IGFN1: variants seen among roughly 807,000 people sequenced by gnomAD.
IGFN1 encodes immunoglobulin like and fibronectin type III domain containing 1.
Under a neutral mutation model 289.5 loss-of-function variants are expected in IGFN1, and 253 were observed. The observed-to-expected ratio is 0.87, with a 90% CI of 0.79 to 0.97. The LOEUF (loss-of-function observed/expected upper bound fraction) is 0.97, where lower values mean the gene tolerates loss of function less well. Ranked by LOEUF, IGFN1 falls within the 50% of genes least tolerant of loss-of-function variation. The pLI is 0.00. For synonymous variants in IGFN1, 1,706 were observed against 1,788.5 expected (o/e 0.95, Z 1.16); for missense variants, 4,470 against 4,686.1 (o/e 0.95, Z 1.35).
At chr1:201,197,434 G>C (rs1666968034) in intron 5 of IGFN1, 117 bp downstream of exon 5, 1 of 673,352 alleles carries the variant, frequency 1.5e-6, no homozygotes, top group Admixed American at 2.1e-5. Context: ...CATCCAGGCT[G>C]CTGCCGCTGC....
At chr1:201,214,569 C>T (rs1653070561) in intron 13 of IGFN1, among the ~76,000 whole-genome samples, 3 of 152,120 alleles carry the variant, frequency 2.0e-5, no homozygotes, top group Admixed American at 6.5e-5. Flanking sequence ...CTGCTGAATC[C>T]TACCCATCCT....
chr1:201,226,094 G>A lies in IGFN1; in HGVS notation c.10757G>A (p.Ser3586Asn). The change falls in exon 22 of 24, where the codon AGC (serine) becomes AAC (asparagine). Residue 3586 changes from serine to asparagine, a missense_variant. Coordinates refer to ENST00000335211, the MANE Select transcript of IGFN1 (RefSeq NM_001164586.2). ...ELGASKPSDT[S>N]QPWCIPRQRD... The stretch of plus-strand genomic sequence containing the variant: ...GGGGCCAGCAAACCCTCGGACACCA[G>A]CCAGCCCTGGTGCATCCCCCGGCAG... The A allele has an allele frequency of 6.2e-7, 1 of 1,603,176 alleles. No homozygotes were observed.
chr1:201,211,603 G>A lies in IGFN1; in HGVS notation c.6710G>A (p.Gly2237Glu), dbSNP rs1398709198. 4 of 1,535,616 alleles carry A rather than the reference G, an allele frequency of 2.6e-6. 1 individual carries two copies. In the East Asian group the frequency reaches 9.8e-5, roughly 38 times the overall value. The change falls in exon 12 of 24, where the codon GGG becomes GAG. Residue 2237 changes from glycine (G) to glutamate (E), a missense_variant. Gly to Glu is a moderately conservative substitution (Grantham distance 98, BLOSUM62 -2). Around this residue, in one of 8 missense-constraint regions of IGFN1, gnomAD observed 2,218 missense variants for 2,114.1 expected, o/e 1.05. Transcript: ENST00000335211. ...AAGGCAGGTTTCAGGGATGGTTTAG[G>A]GAGTTCTGGGGAAATGGGGTCAATG... ...GSKAGFRDGLGSSGEMGSMDE... is the reference protein window; with the variant it reads ...GSKAGFRDGLESSGEMGSMDE...
chr1:201,211,283 T>A lies in IGFN1; in HGVS notation c.6390T>A (p.Ser2130Arg). ...SKAGFRDGLGSSTEMGSVNEA... is the reference protein window; with the variant it reads ...SKAGFRDGLGRSTEMGSVNEA... The stretch of plus-strand genomic sequence containing the variant: ...CAGGTTTTAGGGATGGTTTAGGGAG[T>A]TCTACAGAAATGGGGTCAGTGAATG... The change falls in exon 12 of 24, where the codon AGT becomes AGA. Residue 2130 changes from serine to arginine, a missense_variant. Physicochemically the swap from Ser to Arg is moderately radical, Grantham distance 110 (BLOSUM62 -1). This residue lies in a region of IGFN1 where 2,218 missense variants were observed against 2,114.1 expected (regional missense o/e 1.05). Transcript: ENST00000335211. 6.6e-7 allele frequency: 1 copy of A among 1,526,390 alleles called. No individual in the cohort carries two copies. The highest frequency in any genetic ancestry group is 8.8e-7 in the Non-Finnish European group (1 of 1,142,750). The allele number at this position is 1,526,390 out of a possible 1,614,324, so 94.6% of individuals were successfully genotyped here.
In IGFN1 at chr1:201,219,659, C is replaced by T. The variant is rs144731518; in HGVS notation, c.9898+1001C>T. On this transcript the variant is annotated intron_variant, in intron 18 of 23. Coordinates refer to ENST00000335211, the MANE Select transcript of IGFN1 (RefSeq NM_001164586.2). ...GGAGCAGCACATTTCTGGCACTTGACGGATGGGCCAGGTGGTCAACACCTG... is the reference window on the plus strand; with the variant it reads ...GGAGCAGCACATTTCTGGCACTTGATGGATGGGCCAGGTGGTCAACACCTG... 2.0e-4 allele frequency among the ~76,000 whole-genome samples: 30 copies of T among 152,360 alleles called. No individual in the cohort carries two copies. In the East Asian group the frequency reaches 4.0e-3, roughly 21 times the overall value.
intron 7 of IGFN1, 124 bp from the exon 8 acceptor site, chr1:201,200,113 G>A: frequency 1.3e-6 from 1 of 746,004 alleles, no homozygotes. Flanking sequence ...AGAGATTCCA[G>A]GCTCTGCGTT....
Position 201,207,935 on chromosome 1 carries a change from A to C in IGFN1, c.3042A>C (p.Gly1014=), listed in dbSNP as rs1411337943. The C allele has an allele frequency of 1.3e-6, 2 of 1,536,554 alleles. No homozygotes were observed. The highest frequency in any genetic ancestry group is 1.2e-5 in the South Asian group (1 of 84,026). Residue 1014 remains glycine (G), a synonymous_variant, in exon 12 of 24, where the codon GGA becomes GGC. Coordinates refer to ENST00000335211, the MANE Select transcript of IGFN1 (RefSeq NM_001164586.2). ...GGGGTGGGTACAGGCATGGCTCCGGAGCGCCTGGGGGAGTGTGGTCTGGAA... is the reference window on the plus strand; with the variant it reads ...GGGGTGGGTACAGGCATGGCTCCGGCGCGCCTGGGGGAGTGTGGTCTGGAA... ...EEGGGYRHGS[G]APGGVWSGNE...
In IGFN1 at chr1:201,207,011, G is replaced by C. The variant is rs528824745; in HGVS notation, c.2118G>C (p.Gly706=). 1 of 1,536,644 alleles carries C rather than the reference G, an allele frequency of 6.5e-7. No homozygotes were observed. The highest frequency in any genetic ancestry group is 8.7e-7 in the Non-Finnish European group (1 of 1,146,686). The change falls in exon 12 of 24, where the codon GGG becomes GGC. Residue 706 remains glycine, a synonymous_variant. Transcript: ENST00000335211. The part of the protein sequence containing the change: ...GSQGGRDADY[G]EARGYWGSGE... ...AGGGAGGTAGAGATGCTGACTATGG[G>C]GAAGCCAGGGGCTACTGGGGGTCAG...
Position 201,213,345 on chromosome 1 carries a change from A to G in IGFN1, c.8452A>G (p.Arg2818Gly). 3 of 1,605,446 alleles carry G rather than the reference A, an allele frequency of 1.9e-6. No individual in the cohort carries two copies. Among genetic ancestry groups the G allele is most frequent in the Non-Finnish European group, 2.6e-6 (3 of 1,175,954 alleles). The change falls in exon 12 of 24, where the codon AGG becomes GGG. Residue 2818 changes from arginine to glycine, a missense_variant. Around this residue, in one of 8 missense-constraint regions of IGFN1, gnomAD observed 2,218 missense variants for 2,114.1 expected, o/e 1.05. Coordinates refer to ENST00000335211, the MANE Select transcript of IGFN1 (RefSeq NM_001164586.2). ...CAGGAGGCCTGGCTCACTCAGGAGC[A>G]GGTCTCAGGCACAGTCAGGGGCTGA... ...SGRRPGSLRS[R>G]SQAQSGAEVG...
At chr1:201,221,261 C>T (rs182955568) in intron 18 of IGFN1, among the ~76,000 whole-genome samples, 183 bp from the exon 19 acceptor site, 11 of 152,244 alleles carry the variant, frequency 7.2e-5, no homozygotes, top group African/African-American at 1.9e-4. Flanking sequence ...GTGTGCATAA[C>T]GGAGACAAAG....
Position 201,211,243 on chromosome 1 carries a change from G to A in IGFN1, c.6350G>A (p.Gly2117Asp), listed in dbSNP as rs1434695038. The A allele has an allele frequency of 6.5e-7, 1 of 1,533,154 alleles. No homozygotes were observed. The highest frequency in any genetic ancestry group is 8.7e-7 in the Non-Finnish European group (1 of 1,145,138). The allele number at this position is 1,533,154 out of a possible 1,614,324, so 95.0% of individuals were successfully genotyped here. Residue 2117 changes from glycine to aspartate, a missense_variant, in exon 12 of 24, where the codon GGT (glycine) becomes GAT (aspartate). Transcript: ENST00000335211. The stretch of plus-strand genomic sequence containing the variant: ...GATTTGGGGGCTCCTGAGGGAATAG[G>A]TTCAGGAAGTAAGGCAGGTTTTAGG... Reference protein sequence around the residue: ...RKDLGAPEGIGSGSKAGFRDG... With the variant: ...RKDLGAPEGIDSGSKAGFRDG...
rs1314519932 is a variant in IGFN1 at position 201,207,818 on chromosome 1, T to C, written c.2925T>C (p.Tyr975=). The C allele has an allele frequency of 1.3e-6, 2 of 1,535,872 alleles. No individual in the cohort carries two copies. Among genetic ancestry groups the C allele is most frequent in the African/African-American group, 1.4e-5 (1 of 72,906 alleles). Residue 975 remains tyrosine, a synonymous_variant, in exon 12 of 24, where the codon TAT becomes TAC. Coordinates refer to ENST00000335211, the MANE Select transcript of IGFN1 (RefSeq NM_001164586.2). ...ISSKSGAGYS[Y]GSGVPGEMGS... is the part of the protein sequence containing the mutation. The stretch of plus-strand genomic sequence containing the variant: ...CTAAAAGCGGGGCTGGTTATAGCTA[T>C]GGCTCAGGGGTTCCAGGAGAAATGG...
chr1:201,220,182 TTCTC>T (rs3057870), intron 18 of IGFN1, among the ~76,000 whole-genome samples: 32 of 141,572 alleles, frequency 2.3e-4, no homozygotes, highest in Middle Eastern at 3.5e-3. Context: ...ATCCCTTTCT[TTCTC>T]TCTCTCTCTC....
chr1:201,197,431 G>C (rs1666967710), intron 5 of IGFN1, 114 bp downstream of exon 5: 1 of 673,008 alleles, frequency 1.5e-6, no homozygotes. Context: ...GCCCATCCAG[G>C]CTGCTGCCGC....
chr1:201,227,840 G>C (rs546898723), intron 23 of IGFN1, among the ~76,000 whole-genome samples: 1 of 152,274 alleles, frequency 6.6e-6, no homozygotes, highest in South Asian at 2.1e-4. Context: ...CACATTGCAG[G>C]CTGAGAGATG....
At chr1:201,203,589 C>T (rs988748946) in intron 9 of IGFN1, 149 bp from the exon 10 acceptor site, 2 of 679,884 alleles carry the variant, frequency 2.9e-6, no homozygotes, top group African/African-American at 1.8e-5. Flanking sequence ...TGCTGTCCAC[C>T]CCATCCCAGC....
At chr1:201,200,520 A>G in intron 8 of IGFN1, 109 bp downstream of exon 8, 2 of 845,018 alleles carry the variant, frequency 2.4e-6, no homozygotes, top group Non-Finnish European at 3.7e-6. Flanking sequence ...GAAACCAAGT[A>G]TGATCAAGGG....
Position 201,217,284 on chromosome 1 carries a change from C to T in IGFN1, c.9596-3C>T. 6.2e-7 allele frequency: 1 copy of T among 1,612,808 alleles called. No individual in the cohort carries two copies. Among genetic ancestry groups the T allele is most frequent in the Non-Finnish European group, 8.5e-7 (1 of 1,179,440 alleles). On this transcript the variant is annotated splice_region_variant and splice_polypyrimidine_tract_variant and intron_variant, in intron 16 of 23. Coordinates refer to ENST00000335211, the MANE Select transcript of IGFN1 (RefSeq NM_001164586.2). Reference sequence around the variant, plus strand: ...GGCTGACTGGAATCTTTCTTACCCCCAGCTCTCCCCAAGGCCCCTTCCGCG... The same window carrying T: ...GGCTGACTGGAATCTTTCTTACCCCTAGCTCTCCCCAAGGCCCCTTCCGCG...
rs892702347 is a variant in IGFN1, at chr1:201,216,152, T to A, written c.9296-302T>A. 4 of 616,136 alleles carry A rather than the reference T, an allele frequency of 6.5e-6. No individual in the cohort carries two copies. In the African/African-American group the frequency reaches 7.3e-5, roughly 11 times the overall value. The allele number at this position is 616,136 out of a possible 1,614,324, so 38.2% of individuals were successfully genotyped here. A position where few individuals can be genotyped will look rare whatever the true frequency, so the allele number is the denominator to read the frequency against. The stretch of plus-strand genomic sequence containing the variant: ...CTGAGTGGTGCCAGCAAGGTAGGAC[T>A]GCTCTTGGCCGAGCAGGTGCCCATA... On this transcript the variant is annotated intron_variant, in intron 15 of 23. Coordinates refer to ENST00000335211, the MANE Select transcript of IGFN1 (RefSeq NM_001164586.2).
Sources: gnomAD v4.1 joint callset for allele counts (sites outside exome capture counted in the v4.1 genomes callset) on GRCh38, gnomAD v4.1.1 for gene constraint, gnomAD v4.1.1 regional missense constraint, MANE v1.5 for transcripts, NCBI Gene and HGNC (gene_info 2026-07-23, HGNC 2026-07-21) for gene names.